The following LRP1B variants were observed in gnomAD, a reference collection of about 807,000 sequenced individuals.
The protein encoded by LRP1B is low-density lipoprotein receptor-related protein 1B.
A neutral mutation model predicts 556.6 loss-of-function variants in LRP1B; 217 were observed. The observed-to-expected ratio is 0.39, with a 90% CI of 0.35 to 0.44. LRP1B has a LOEUF of 0.44. LRP1B is among the 20% of genes least tolerant of loss of function. The pLI is 1.00. For synonymous variants in LRP1B, 2,047 were observed against 1,865.8 expected, an observed-to-expected ratio of 1.10 and a Z score of -2.50; for missense variants, 5,053 against 5,620.8, an observed-to-expected ratio of 0.90 and a Z score of 3.23.
chr2:142,127,415 T>C (rs911503954), intron 1 of LRP1B, among the ~76,000 whole-genome samples: 13 of 142,838 alleles, frequency 9.1e-5, no homozygotes, highest in African/African-American at 2.9e-4. Flanking sequence ...TTCATCTTTT[T>C]CCTAAATTTA....
chr2:140,746,589 C>G (rs1469189306), intron 35 of LRP1B, among the ~76,000 whole-genome samples: 1 of 152,092 alleles, frequency 6.6e-6, no homozygotes, highest in African/African-American at 2.4e-5. Flanking sequence ...ACAAGGTTAA[C>G]TTCTGATCAA....
rs759182238 is a variant in LRP1B, at chr2:140,364,666, A to T, written c.11126T>A (p.Met3709Lys). The change falls in exon 72 of 91, where the codon ATG becomes AAG. Residue 3709 changes from methionine (M) to lysine (K), a missense_variant. This residue lies in a region of LRP1B where 599 missense variants were observed against 648.4 expected (regional missense o/e 0.92). Coordinates refer to ENST00000389484, the MANE Select transcript of LRP1B (RefSeq NM_018557.3). Reference protein sequence around the residue: ...CGDNSDEAPDMCVKFLCPSTR... With the variant: ...CGDNSDEAPDKCVKFLCPSTR... Reference sequence around the variant, plus strand: ...AGCCACGTGAAATGCCATACCACACATATCAGGGGCTTCATCAGAGTTGTC... The same window carrying T: ...AGCCACGTGAAATGCCATACCACACTTATCAGGGGCTTCATCAGAGTTGTC... The T allele has an allele frequency of 1.2e-6, 2 of 1,609,526 alleles. No individual in the cohort carries two copies. The highest frequency in any genetic ancestry group is 2.7e-5 in the African/African-American group (2 of 74,680).
chr2:141,819,846 CATT>C (rs898317882), intron 1 of LRP1B, among the ~76,000 whole-genome samples: 44 of 152,190 alleles, frequency 2.9e-4, no homozygotes, highest in African/African-American at 1.0e-3. Context: ...ATGGAAACAT[CATT>C]AACTATCTGA....
At chr2:142,009,424 C>T (rs1702888829) in intron 1 of LRP1B, among the ~76,000 whole-genome samples, 1 of 152,114 alleles carries the variant, frequency 6.6e-6, no homozygotes, top group Non-Finnish European at 1.5e-5. Context: ...CTCTGAAGCA[C>T]CGTCTTGCAT....
intron 31 of LRP1B, among the ~76,000 whole-genome samples, chr2:140,827,540 A>G (rs1691551401): frequency 6.6e-6 from 1 of 152,020 alleles, no homozygotes; most frequent in African/African-American, 2.4e-5. Context: ...GTAAGCTTAA[A>G]GAGAGGCTAT....
intron 90 of LRP1B, among the ~76,000 whole-genome samples, chr2:140,234,462 T>C (rs1266543122): frequency 4.6e-5 from 7 of 151,228 alleles, no homozygotes; most frequent in Admixed American, 4.0e-4. Context: ...ATGAATAAAA[T>C]CAAAAGTTTA....
intron 62 of LRP1B, among the ~76,000 whole-genome samples, chr2:140,456,109 T>C (rs1401305294): frequency 6.6e-6 from 1 of 152,142 alleles, no homozygotes. Context: ...CTCTAAGAAA[T>C]GGAGAGTGGG....
chr2:141,463,580 A>T (rs1280550588), intron 3 of LRP1B, among the ~76,000 whole-genome samples: 2 of 56,442 alleles, frequency 3.5e-5, no homozygotes, highest in African/African-American at 1.3e-4. Flanking sequence ...TATTATATAT[A>T]ATTATATATA....
At chr2:141,636,487 G>A (rs1031120547) in intron 2 of LRP1B, among the ~76,000 whole-genome samples, 13 of 152,168 alleles carry the variant, frequency 8.5e-5, no homozygotes, top group Admixed American at 8.5e-4. Flanking sequence ...GGTGATTGGT[G>A]TGTAAATTGG....
At chr2:141,809,372 C>T (rs10496899) in intron 2 of LRP1B, among the ~76,000 whole-genome samples, 68,260 of 151,788 alleles carry the variant, frequency 0.45, 16,333 homozygotes, top group African/African-American at 0.61. Context: ...GTAATGAAGA[C>T]GGATTTTTTT....
intron 37 of LRP1B, among the ~76,000 whole-genome samples, chr2:140,707,994 C>T (rs978186138): frequency 1.3e-5 from 2 of 152,090 alleles, no homozygotes; most frequent in African/African-American, 2.4e-5. Context: ...TGTACTCATG[C>T]ACTCATCAAC....
intron 1 of LRP1B, among the ~76,000 whole-genome samples, chr2:141,926,147 A>G (rs562282813): frequency 9.2e-5 from 14 of 152,348 alleles, no homozygotes; most frequent in African/African-American, 3.4e-4. Context: ...TTCAACATGC[A>G]TACAGAAAAT....
At chr2:140,619,380 A>G (rs965826758) in intron 41 of LRP1B, among the ~76,000 whole-genome samples, 15 of 152,218 alleles carry the variant, frequency 9.9e-5, no homozygotes, top group Middle Eastern at 3.4e-3. Context: ...GTGTATGTAT[A>G]TGTATATACT....
chr2:141,715,421 T>C (rs1692545194), intron 2 of LRP1B, among the ~76,000 whole-genome samples: 1 of 151,790 alleles, frequency 6.6e-6, no homozygotes, highest in South Asian at 2.1e-4. Flanking sequence ...CAGTGAGCCC[T>C]GATTGTGCCA....
chr2:141,232,627 A>T (rs300385), intron 5 of LRP1B, among the ~76,000 whole-genome samples: 146,684 of 152,272 alleles, frequency 0.96, 70,886 homozygotes, highest in East Asian at 1. Flanking sequence ...TAGCTGCTTG[A>T]TGAGTGAATC....
At chr2:140,523,826 G>A (rs4422104) in intron 49 of LRP1B, among the ~76,000 whole-genome samples, 107,343 of 151,814 alleles carry the variant, frequency 0.71, 38,540 homozygotes, top group Middle Eastern at 0.86. Flanking sequence ...TTAAGTCAAA[G>A]AAGTTTGAAG....
chr2:141,443,390 C>G (rs1681059834), intron 3 of LRP1B, among the ~76,000 whole-genome samples: 1 of 152,164 alleles, frequency 6.6e-6, no homozygotes, highest in Admixed American at 6.5e-5. Flanking sequence ...TGCCTGTTCA[C>G]TGTGATGATA....
In LRP1B at chr2:141,243,367, C is replaced by T. The variant is rs145226049; in HGVS notation, c.592+3859G>A. Among the ~76,000 whole-genome samples, 625 of 152,004 alleles carry T rather than the reference C, an allele frequency of 4.1e-3. 3 individuals are homozygous for T. Among genetic ancestry groups the T allele is most frequent in the African/African-American group, 0.013 (556 of 41,484 alleles). On this transcript the variant is annotated intron_variant, in intron 5 of 90. Coordinates refer to ENST00000389484, the MANE Select transcript of LRP1B (RefSeq NM_018557.3). The stretch of plus-strand genomic sequence containing the variant: ...GCATGGTGGTTCGTGCCTGTGGTCT[C>T]AGATACTCAAAGGCTGAGGTAGAAA...
At chr2:141,012,161 G>A (rs765550741) in intron 14 of LRP1B, among the ~76,000 whole-genome samples, 1 of 151,984 alleles carries the variant, frequency 6.6e-6, no homozygotes, top group Middle Eastern at 3.4e-3. Flanking sequence ...CACTACACAC[G>A]TTGCATTTAG....
Sources: allele counts gnomAD v4.1 joint callset (sites outside exome capture counted in the v4.1 genomes callset), GRCh38; gene constraint gnomAD v4.1.1; regional missense constraint gnomAD v4.1.1; transcripts MANE v1.5; gene names NCBI Gene and HGNC (gene_info 2026-07-23, HGNC 2026-07-21).